ROBO1: variants seen among roughly 807,000 people sequenced by gnomAD.
The protein encoded by ROBO1 is roundabout guidance receptor 1.
A neutral mutation model predicts 195.9 loss-of-function variants in ROBO1; 149 were observed. That is an observed-to-expected ratio of 0.76 (90% CI 0.67 to 0.87). The LOEUF (loss-of-function observed/expected upper bound fraction) is 0.87, where lower values mean the gene tolerates loss of function less well. ROBO1 is among the 40% of genes least tolerant of loss of function. The pLI is 0.00. For synonymous variants in ROBO1, 816 were observed against 733.2 expected (o/e 1.11, Z -1.82); for missense variants, 1,933 against 2,068.3 (o/e 0.93, Z 1.27).
chr3:79,185,711 T>G (rs1002972555), intron 2 of ROBO1, among the ~76,000 whole-genome samples: 1 of 152,148 alleles, frequency 6.6e-6, no homozygotes, highest in Non-Finnish European at 1.5e-5. Context: ...TGTCGTTCAG[T>G]ATCTAGTTCC....
intron 6 of ROBO1, 72 bp downstream of exon 6, chr3:78,717,691 C>T (rs2108075592): frequency 6.7e-7 from 1 of 1,498,660 alleles, no homozygotes; most frequent in South Asian, 1.3e-5. Flanking sequence ...TTTTTCTTTC[C>T]CCCTTGTATA....
intron 2 of ROBO1, among the ~76,000 whole-genome samples, chr3:79,469,447 T>C (rs1439134699): frequency 6.6e-6 from 1 of 152,166 alleles, no homozygotes; most frequent in Non-Finnish European, 1.5e-5. Context: ...GGGATTGCTA[T>C]GGGTTTGCCT....
intron 3 of ROBO1, among the ~76,000 whole-genome samples, chr3:79,081,080 CAAACG>C (rs2079265052): frequency 6.6e-6 from 1 of 151,904 alleles, no homozygotes; most frequent in South Asian, 2.1e-4. Flanking sequence ...ATAGTGTGCC[CAAACG>C]CTTTGCCTGA....
At position 79,015,389 on chromosome 3, in the gene ROBO1, CA is replaced by C. The variant is rs370809883; in HGVS notation, c.173-76463del. Among the ~76,000 whole-genome samples the C allele has an allele frequency of 1.0e-4, 15 of 148,814 alleles. No homozygotes were observed. In the East Asian group the frequency reaches 2.8e-3, roughly 28 times the overall value. On this transcript the variant is annotated intron_variant, in intron 3 of 30. Transcript: ENST00000464233. ...AGAAACCCTCCCCCACGCCCCCCCC[CA>C]AAAAAACAAGAAAAAGAAAGTACCA...
chr3:79,045,622 C>A (rs998743515), intron 3 of ROBO1, among the ~76,000 whole-genome samples: 3 of 152,016 alleles, frequency 2.0e-5, no homozygotes, highest in Admixed American at 6.6e-5. Flanking sequence ...TGCTTTCTTG[C>A]ATCATAAAAT....
At chr3:79,676,769 G>A (rs1210463278) in intron 1 of ROBO1, among the ~76,000 whole-genome samples, 1 of 152,000 alleles carries the variant, frequency 6.6e-6, no homozygotes, top group African/African-American at 2.4e-5. Flanking sequence ...TATAGGTCCT[G>A]TTCATACTCA....
chr3:78,872,904 G>A (rs1164946432), intron 4 of ROBO1, among the ~76,000 whole-genome samples: 2 of 151,968 alleles, frequency 1.3e-5, no homozygotes, highest in African/African-American at 4.8e-5. Context: ...AAGTAGTAAG[G>A]GTGTTTCAAA....
Position 79,517,628 on chromosome 3 carries a change from T to A in ROBO1, c.88+72196A>T, listed in dbSNP as rs866006461. Among the ~76,000 whole-genome samples the A allele has an allele frequency of 1.2e-4, 19 of 152,306 alleles. No individual in the cohort carries two copies. In the South Asian group the frequency reaches 3.7e-3, roughly 30 times the overall value. On this transcript the variant is annotated intron_variant, in intron 2 of 30. Coordinates refer to ENST00000464233, the MANE Select transcript of ROBO1 (RefSeq NM_002941.4). ...AAATCTTTATCTGCAGCCCAGATCA[T>A]CTTTGTTTACCCTCTGTTCTGGGTA...
chr3:79,514,898 G>T (rs1477056924), intron 2 of ROBO1, among the ~76,000 whole-genome samples: 4 of 152,094 alleles, frequency 2.6e-5, no homozygotes, highest in African/African-American at 7.2e-5. Context: ...TCTATCAAAA[G>T]AATTTCAACA....
At chr3:79,634,438 A>T (rs1177035126) in intron 1 of ROBO1, among the ~76,000 whole-genome samples, 2 of 152,192 alleles carry the variant, frequency 1.3e-5, no homozygotes, top group Non-Finnish European at 2.9e-5. Context: ...GCCAACATTC[A>T]ACAGTCTTAA....
intron 3 of ROBO1, among the ~76,000 whole-genome samples, chr3:79,019,692 C>G (rs775381668): frequency 2.6e-5 from 4 of 152,066 alleles, no homozygotes; most frequent in Admixed American, 6.5e-5. Flanking sequence ...GAATGAGAAA[C>G]TGTCTTGTTT....
intron 4 of ROBO1, among the ~76,000 whole-genome samples, chr3:78,928,793 AT>A (rs1275099650): frequency 6.6e-6 from 1 of 152,226 alleles, no homozygotes; most frequent in Admixed American, 6.5e-5. Flanking sequence ...GCTGAATTAC[AT>A]AATTAAAATG....
chr3:79,191,591 A>G (rs1241842987), intron 2 of ROBO1, among the ~76,000 whole-genome samples: 1 of 151,370 alleles, frequency 6.6e-6, no homozygotes, highest in Non-Finnish European at 1.5e-5. Context: ...CACATATTGT[A>G]TGAGTGAGCT....
chr3:79,539,938 AC>A (rs5850438), intron 2 of ROBO1, among the ~76,000 whole-genome samples: 110,617 of 151,764 alleles, frequency 0.73, 41,440 homozygotes, highest in African/African-American at 0.92. Flanking sequence ...TTTATATGTG[AC>A]CCCCAAGTTG....
intron 3 of ROBO1, among the ~76,000 whole-genome samples, chr3:79,124,131 G>A: frequency 6.6e-6 from 1 of 151,964 alleles, no homozygotes; most frequent in East Asian, 1.9e-4. Context: ...GGTATTGACG[G>A]TATTAAGGGA....
chr3:78,679,383 A>C (rs1046114209), intron 10 of ROBO1, among the ~76,000 whole-genome samples: 3 of 152,172 alleles, frequency 2.0e-5, no homozygotes, highest in Non-Finnish European at 4.4e-5. Flanking sequence ...AGGAAGTCAA[A>C]TTGTCCCTGT....
At chr3:78,884,629 GAA>G (rs1419480343) in intron 4 of ROBO1, among the ~76,000 whole-genome samples, 1 of 103,878 alleles carries the variant, frequency 9.6e-6, no homozygotes, top group East Asian at 2.5e-4. Flanking sequence ...AAGAGAGAAA[GAA>G]AGAGAAAGAA....
intron 1 of ROBO1, among the ~76,000 whole-genome samples, chr3:79,667,426 C>T (rs1191681359): frequency 6.6e-6 from 1 of 151,642 alleles, no homozygotes; most frequent in Non-Finnish European, 1.5e-5. Flanking sequence ...AACTAAATAA[C>T]ATTCTTCGGG....
At chr3:79,681,828 G>T (rs1016453055) in intron 1 of ROBO1, among the ~76,000 whole-genome samples, 1 of 151,918 alleles carries the variant, frequency 6.6e-6, no homozygotes, top group Non-Finnish European at 1.5e-5. Flanking sequence ...ATATCATTCA[G>T]AAAAATCATA....
Sources: allele counts gnomAD v4.1 joint callset (sites outside exome capture counted in the v4.1 genomes callset), GRCh38; gene constraint gnomAD v4.1.1; transcripts MANE v1.5; gene names NCBI Gene and HGNC (gene_info 2026-07-23, HGNC 2026-07-21).